The following SPNS2 variants were observed in gnomAD, a reference collection of about 807,000 sequenced individuals.
SPNS2 encodes sphingosine-1-phosphate transporter SPNS2.
In SPNS2, 37 loss-of-function variants were observed where a neutral mutation model predicts 57.6. That is an observed-to-expected ratio of 0.64 (90% confidence interval 0.49 to 0.85). The LOEUF (loss-of-function observed/expected upper bound fraction) is 0.85. Ranked by LOEUF, SPNS2 falls within the 40% of genes least tolerant of loss-of-function variation. The probability of loss-of-function intolerance (pLI) is 0.00; values close to 1 mark genes in which losing one functional copy is unlikely to be tolerated. For synonymous variants in SPNS2, 440 were observed against 346.9 expected (o/e 1.27, Z -2.98); for missense variants, 831 against 779.1 (o/e 1.07, Z -0.79).
Position 4,524,004 on chromosome 17 carries a change from G to C in SPNS2, c.437-1053G>C, listed in dbSNP as rs530176276. ...TAGGTACAAAAAAATTGTTGTTGTT[G>C]AATGACAAGACGGTAGAATGGACAG... is the stretch of plus-strand genomic sequence containing the variant. On this transcript the variant is annotated intron_variant, in intron 2 of 12. Coordinates refer to ENST00000329078, the MANE Select transcript of SPNS2 (RefSeq NM_001124758.3). Among the ~76,000 whole-genome samples, 65 of 152,278 alleles carry C rather than the reference G, an allele frequency of 4.3e-4. No individual in the cohort carries two copies. The South Asian group carries it at 0.013, about 32-fold the overall frequency.
chr17:4,534,616 C>T (rs776935524), intron 9 of SPNS2, among the ~76,000 whole-genome samples: 7 of 151,586 alleles, frequency 4.6e-5, no homozygotes, highest in Middle Eastern at 6.8e-3. Context: ...CCAGGCACTG[C>T]GGCCCCTGCA....
At chr17:4,519,327 G>A (rs1424148440) in intron 2 of SPNS2, among the ~76,000 whole-genome samples, 2 of 152,210 alleles carry the variant, frequency 1.3e-5, no homozygotes, top group Admixed American at 6.5e-5. Context: ...GTGTGCCATG[G>A]GGATGGCTCC....
intron 2 of SPNS2, among the ~76,000 whole-genome samples, chr17:4,514,727 C>A (rs562587638): frequency 6.6e-6 from 1 of 152,374 alleles, no homozygotes; most frequent in African/African-American, 2.4e-5. Flanking sequence ...ATAAGTCTGC[C>A]TGCCCTGCCG....
At chr17:4,500,056 C>T (rs932356402) in intron 1 of SPNS2, among the ~76,000 whole-genome samples, 1 of 152,166 alleles carries the variant, frequency 6.6e-6, no homozygotes, top group South Asian at 2.1e-4. Flanking sequence ...CGGTTTGCAG[C>T]TGGCCCTGTA....
intron 12 of SPNS2, 121 bp downstream of exon 12, chr17:4,537,067 G>A (rs1435734613): frequency 1.0e-5 from 11 of 1,096,336 alleles, no homozygotes; most frequent in Non-Finnish European, 1.5e-5. Flanking sequence ...CACCAACTCT[G>A]GGCTTTGTCT....
At chr17:4,535,941 G>A (rs1905760446) in intron 9 of SPNS2, 135 bp from the exon 10 acceptor site, 1 of 685,784 alleles carries the variant, frequency 1.5e-6, no homozygotes, top group Admixed American at 2.8e-5. Context: ...CAGGGCCCAG[G>A]GGAGAGAGGT....
rs575735896 is a variant in SPNS2 at position 4,529,868 on chromosome 17, C to T, written c.574-764C>T. Among the ~76,000 whole-genome samples the T allele has an allele frequency of 1.6e-4, 24 of 152,138 alleles. No individual in the cohort carries two copies. The South Asian group carries it at 4.6e-3, about 29-fold the overall frequency. ...ACCCAGGCAGCACCTGCAGGCACAGCAAGCCAGGAGCGAGGTGAGCAGATG... is the reference window on the plus strand; with the variant it reads ...ACCCAGGCAGCACCTGCAGGCACAGTAAGCCAGGAGCGAGGTGAGCAGATG... On this transcript the variant is annotated intron_variant, in intron 3 of 12. Transcript: ENST00000329078.
chr17:4,519,035 T>A (rs1031556697), intron 2 of SPNS2, among the ~76,000 whole-genome samples: 2 of 151,876 alleles, frequency 1.3e-5, no homozygotes, highest in East Asian at 3.9e-4. Flanking sequence ...TCCTGAGCAT[T>A]CTCCGTCAGC....
chr17:4,535,346 C>T (rs979319144), intron 9 of SPNS2, among the ~76,000 whole-genome samples: 2 of 152,216 alleles, frequency 1.3e-5, no homozygotes, highest in Non-Finnish European at 2.9e-5. Flanking sequence ...TCACCAGCTC[C>T]TGTCCCAGGC....
rs1275168961 is a variant in SPNS2 at position 4,512,662 on chromosome 17, ATGTGTGTGCGCGCGTGGGTG to A, written c.371-581_371-562del. On this transcript the variant is annotated intron_variant, in intron 1 of 12. Transcript: ENST00000329078. This position sits in a 1 kb window ranked among gnomAD's most constrained non-coding sequence, Gnocchi z 5.2. ...TGTGTGTGCGTGCGCGCGCACGGGT[ATGTGTGTGCGCGCGTGGGTG>A]TGTATGCATGTGTGCAGGTGTGTGC... Among the ~76,000 whole-genome samples the A allele has an allele frequency of 2.1e-5, 3 of 144,514 alleles. No individual in the cohort carries two copies. Among genetic ancestry groups the A allele is most frequent in the Admixed American group, 2.0e-4 (3 of 14,818 alleles). 94.8% of individuals were successfully genotyped at this position (144,514 alleles called of 152,430 possible). A position where few individuals can be genotyped will look rare whatever the true frequency, so the allele number is the denominator to read the frequency against.
chr17:4,535,954 C>G, intron 9 of SPNS2, 122 bp from the exon 10 acceptor site: 1 of 756,446 alleles, frequency 1.3e-6, no homozygotes, highest in East Asian at 2.7e-5. Flanking sequence ...AGAGAGGTGT[C>G]AAGACGTAGG....
At chr17:4,519,885 A>G (rs1275458507) in intron 2 of SPNS2, among the ~76,000 whole-genome samples, 2 of 152,058 alleles carry the variant, frequency 1.3e-5, no homozygotes, top group East Asian at 3.9e-4. Flanking sequence ...ACATTCTCTC[A>G]GCCCCCTCCC....
intron 1 of SPNS2, among the ~76,000 whole-genome samples, chr17:4,508,107 G>A (rs1479060464): frequency 1.3e-5 from 2 of 152,318 alleles, no homozygotes; most frequent in East Asian, 3.9e-4. Context: ...GGGTGCCCTT[G>A]AGGTTACAGG....
At chr17:4,506,265 T>A (rs1356744545) in intron 1 of SPNS2, among the ~76,000 whole-genome samples, 6 of 152,140 alleles carry the variant, frequency 3.9e-5, no homozygotes, top group African/African-American at 1.4e-4. Flanking sequence ...GGGAGAAGGC[T>A]GAGGGTTTGT....
At chr17:4,519,241 G>A (rs186094370) in intron 2 of SPNS2, among the ~76,000 whole-genome samples, 132 of 152,362 alleles carry the variant, frequency 8.7e-4, no homozygotes, top group Middle Eastern at 3.4e-3. Flanking sequence ...GCCACAGGGC[G>A]GGGGCTCAGG....
Position 4,537,968 on chromosome 17 carries a change from A to G in SPNS2, c.*520A>G. On this transcript the variant is annotated 3_prime_UTR_variant, in exon 13 of 13. Coordinates refer to ENST00000329078, the MANE Select transcript of SPNS2 (RefSeq NM_001124758.3). ...TCACGCGAGGGCCTGGTATGCAGGG[A>G]CCACTGCTCAGCTGGGCCTCGGACC... 1 of 362,124 alleles carries G rather than the reference A, an allele frequency of 2.8e-6. No individual in the cohort carries two copies. Among genetic ancestry groups the G allele is most frequent in the Non-Finnish European group, 5.5e-6 (1 of 180,400 alleles). 22.4% of individuals were successfully genotyped at this position (362,124 alleles called of 1,614,324 possible). A position where few individuals can be genotyped will look rare whatever the true frequency, so the allele number is the denominator to read the frequency against.
intron 3 of SPNS2, among the ~76,000 whole-genome samples, chr17:4,525,852 G>A (rs9898457): frequency 0.2 from 30,500 of 152,110 alleles, 3,209 homozygotes; most frequent in Non-Finnish European, 0.23. Flanking sequence ...CCTGGAACAC[G>A]GCGAGTGCTC....
At chr17:4,534,177 C>G (rs549616511) in intron 9 of SPNS2, among the ~76,000 whole-genome samples, 4 of 152,168 alleles carry the variant, frequency 2.6e-5, no homozygotes, top group African/African-American at 4.8e-5. Flanking sequence ...CTCCTCCCCC[C>G]GCTGGGTCTG....
At chr17:4,506,577 G>A (rs947677469) in intron 1 of SPNS2, among the ~76,000 whole-genome samples, 14 of 152,342 alleles carry the variant, frequency 9.2e-5, no homozygotes, top group African/African-American at 3.4e-4. Flanking sequence ...ACAGGCCAGA[G>A]GCCCGGCAGC....
Sources: gnomAD v4.1 joint callset for allele counts (sites outside exome capture counted in the v4.1 genomes callset) on GRCh38, gnomAD v4.1.1 for gene constraint, Gnocchi (gnomAD v3.1) non-coding constraint, MANE v1.5 for transcripts, NCBI Gene and HGNC (gene_info 2026-07-23, HGNC 2026-07-21) for gene names.